PFKFB3: variants seen among roughly 807,000 people sequenced by gnomAD.
PFKFB3 encodes the protein 6-phosphofructo-2-kinase/fructose-2,6-biphosphatase 3.
PFKFB3 carries 33 observed loss-of-function variants against 68.0 expected under a neutral mutation model. The observed-to-expected ratio is 0.49, with a 90% CI of 0.37 to 0.65. The LOEUF (loss-of-function observed/expected upper bound fraction) is 0.65. Among genes scored for constraint, PFKFB3 ranks in the 30% least tolerant of loss-of-function variants. PFKFB3 has a pLI of 0.00. For synonymous variants in PFKFB3, 315 were observed against 288.2 expected (o/e 1.09, Z -0.94); for missense variants, 586 against 712.2 (o/e 0.82, Z 2.02).
chr10:6,264,966 T>C, the PFKFB3 span, among the ~76,000 whole-genome samples: 1 of 152,236 alleles, frequency 6.6e-6, no homozygotes, highest in South Asian at 2.1e-4. Context: ...ATCTTAATGA[T>C]GTCCTTTCTA....
rs999579220 is a variant in PFKFB3 at position 6,171,140 on chromosome 10, C to T, written c.16+26127C>T. 5.9e-5 allele frequency among the ~76,000 whole-genome samples: 9 copies of T among 152,076 alleles called. No individual in the cohort carries two copies. In the East Asian group the frequency reaches 7.8e-4, roughly 13 times the overall value. On this transcript the variant is annotated intron_variant, in intron 1 of 14. Coordinates refer to the PFKFB3 transcript ENST00000379789. Reference sequence around the variant, plus strand: ...TTGGCTCACCGCAACCTCCGTCTCCCGGGTGCAAGTGATTCTCCTGCCCCA... The same window carrying T: ...TTGGCTCACCGCAACCTCCGTCTCCTGGGTGCAAGTGATTCTCCTGCCCCA...
chr10:6,280,314 G>A, the PFKFB3 span, among the ~76,000 whole-genome samples: 7 of 152,346 alleles, frequency 4.6e-5, no homozygotes, highest in African/African-American at 1.2e-4. Flanking sequence ...TCCTTTGGGC[G>A]GATAGCGCCT....
rs370923144 is a variant in PFKFB3 at position 6,247,739 on chromosome 10, A to G, written c.1516-6439A>G. 9.2e-5 allele frequency among the ~76,000 whole-genome samples: 14 copies of G among 152,278 alleles called. No homozygotes were observed. The East Asian group carries it at 1.9e-3, about 21-fold the overall frequency. On this transcript the variant is annotated intron_variant, in intron 14 of 14. Coordinates refer to the PFKFB3 transcript ENST00000640683. Reference sequence around the variant, plus strand: ...TCCTAAGGAACCCTTCCTCGTCTTGACAGGGGTGTCTCATATGAACTTGAT... The same window carrying G: ...TCCTAAGGAACCCTTCCTCGTCTTGGCAGGGGTGTCTCATATGAACTTGAT...
At chr10:6,275,910 C>G in the PFKFB3 span, among the ~76,000 whole-genome samples, 2 of 152,192 alleles carry the variant, frequency 1.3e-5, no homozygotes, top group Admixed American at 1.3e-4. This position sits in a 1 kb window ranked among gnomAD's most constrained non-coding sequence, Gnocchi z 4.9. Flanking sequence ...GGGTGGTGCT[C>G]CCTCTGCAGC....
chr10:6,266,630 T>C, the PFKFB3 span, among the ~76,000 whole-genome samples: 1 of 152,246 alleles, frequency 6.6e-6, no homozygotes, highest in Non-Finnish European at 1.5e-5. Context: ...TATCTATATA[T>C]GGTTGTATTA....
At chr10:6,149,388 A>C (rs935493585) in intron 1 of PFKFB3, among the ~76,000 whole-genome samples, 1 of 151,286 alleles carries the variant, frequency 6.6e-6, no homozygotes, top group Non-Finnish European at 1.5e-5. Flanking sequence ...GGAGTTCGAG[A>C]CCAGGCTGGC....
the PFKFB3 span, among the ~76,000 whole-genome samples, chr10:6,310,555 C>T: frequency 2.0e-5 from 3 of 152,130 alleles, no homozygotes; most frequent in African/African-American, 7.2e-5. Flanking sequence ...GAAAGTCACC[C>T]ATATTGCAGG....
the PFKFB3 span, among the ~76,000 whole-genome samples, chr10:6,259,846 T>A: frequency 0.43 from 64,762 of 152,040 alleles, 14,143 homozygotes; most frequent in East Asian, 0.71. Context: ...AGCCCAGCAT[T>A]AGTAGTTATT....
chr10:6,200,068 G>C (rs896806599), upstream of PFKFB3, among the ~76,000 whole-genome samples: 5 of 151,962 alleles, frequency 3.3e-5, no homozygotes, highest in Non-Finnish European at 7.4e-5. Flanking sequence ...AGCAAACTCT[G>C]CTCCTAATTG....
At chr10:6,296,337 T>C in the PFKFB3 span, among the ~76,000 whole-genome samples, 4 of 152,120 alleles carry the variant, frequency 2.6e-5, no homozygotes, top group Non-Finnish European at 4.4e-5. Context: ...AAAAAAGGAC[T>C]CTCAGACCTA....
At chr10:6,145,129 C>A in intron 1 of PFKFB3, 3 of 850,116 alleles carry the variant, frequency 3.5e-6, no homozygotes, top group Non-Finnish European at 4.7e-6. Flanking sequence ...TGCACCCGGG[C>A]TGCGGCGGTG....
In PFKFB3 at chr10:6,229,047, A is replaced by G. The variant is rs558901271; in HGVS notation, c.1515+2682A>G. Reference sequence around the variant, plus strand: ...GAAGTGTCATCCCCTTGCCCCCCCAAAAACACACCCGCCCCTTTATTTCCT... The same window carrying G: ...GAAGTGTCATCCCCTTGCCCCCCCAGAAACACACCCGCCCCTTTATTTCCT... On this transcript the variant is annotated intron_variant, in intron 14 of 14. Transcript: ENST00000379775. The surrounding 1 kb of genome is among the most constrained non-coding windows in gnomAD (Gnocchi z 4.3). 13 of 494,324 alleles carry G rather than the reference A, an allele frequency of 2.6e-5. No homozygotes were observed. The East Asian group carries it at 7.2e-4, about 28-fold the overall frequency. The allele number at this position is 494,324 out of a possible 1,614,324, so 30.6% of individuals were successfully genotyped here.
chr10:6,223,007 C>T (rs1284457625), intron 11 of PFKFB3, 23 bp downstream of exon 11: 2 of 1,607,194 alleles, frequency 1.2e-6, no homozygotes, highest in Non-Finnish European at 1.7e-6. Flanking sequence ...GGTCGTGGCC[C>T]CGGGATGGAG....
At chr10:6,295,708 G>A in the PFKFB3 span, among the ~76,000 whole-genome samples, 2 of 152,194 alleles carry the variant, frequency 1.3e-5, no homozygotes, top group Non-Finnish European at 2.9e-5. Context: ...ACCCCAGTAG[G>A]TTAGACTCTG....
the PFKFB3 span, among the ~76,000 whole-genome samples, chr10:6,265,943 T>A: frequency 0.59 from 89,017 of 151,386 alleles, 26,795 homozygotes; most frequent in Non-Finnish European, 0.67. Context: ...CTGGGTCTAG[T>A]TCTGTTACGT....
exon 15 of PFKFB3, chr10:6,254,322 C>G (rs1846455250): frequency 2.5e-6 from 1 of 398,518 alleles, no homozygotes; most frequent in Admixed American, 4.4e-5. Flanking sequence ...GGAGCCCAGA[C>G]TGGTCTCGCT....
At chr10:6,226,160 G>T (rs199969048) in intron 13 of PFKFB3, 32 bp from the exon 14 acceptor site, 2 of 1,523,836 alleles carry the variant, frequency 1.3e-6, no homozygotes, top group Non-Finnish European at 1.8e-6. Context: ...TGTAACTGTC[G>T]CCTTTCTCTC....
chr10:6,318,294 C>T, the PFKFB3 span, among the ~76,000 whole-genome samples: 5 of 152,302 alleles, frequency 3.3e-5, no homozygotes, highest in South Asian at 2.1e-4. Context: ...CTGGCTCCTC[C>T]GTGATGAGGA....
At chr10:6,322,550 C>G in the PFKFB3 span, among the ~76,000 whole-genome samples, 1 of 152,200 alleles carries the variant, frequency 6.6e-6, no homozygotes, top group Non-Finnish European at 1.5e-5. Flanking sequence ...TCCCACCATG[C>G]CTCAAATTCC....
Sources: gnomAD v4.1 joint callset for allele counts (sites outside exome capture counted in the v4.1 genomes callset) on GRCh38, gnomAD v4.1.1 for gene constraint, Gnocchi (gnomAD v3.1) non-coding constraint, MANE v1.5 for transcripts, NCBI Gene and HGNC (gene_info 2026-07-23, HGNC 2026-07-21) for gene names.